COL14A1: variants seen among roughly 807,000 people sequenced by gnomAD.
COL14A1 encodes collagen type XIV alpha 1 chain, also known as collagen alpha-1(XIV) chain.
In COL14A1, 136 loss-of-function variants were observed where a neutral mutation model predicts 230.3. The ratio of observed to expected loss-of-function variants is 0.59; its 90% CI spans 0.51 to 0.68. COL14A1 has a LOEUF of 0.68. COL14A1 is among the 30% of genes least tolerant of loss of function. COL14A1 has a pLI of 0.00. For synonymous variants in COL14A1, 792 were observed against 784.1 expected, an observed-to-expected ratio of 1.01 and a Z score of -0.17; for missense variants, 1,976 against 2,215.8, an observed-to-expected ratio of 0.89 and a Z score of 2.17.
chr8:120,231,528 A>G lies in COL14A1; in HGVS notation c.2259A>G (p.Val753=), dbSNP rs1230238734. Residue 753 remains valine, a synonymous_variant, in exon 19 of 48, where the codon GTA becomes GTG. Coordinates refer to ENST00000297848, the MANE Select transcript of COL14A1 (RefSeq NM_021110.4). ...ATGAAACTACTTCTAGCCTGCGGGT[A>G]AAATGGGACATTTCTGACAGCGATG... ...VGDETTSSLR[V]KWDISDSDVQ... is the part of the protein sequence containing the mutation. The G allele has an allele frequency of 1.2e-6, 2 of 1,614,086 alleles. No individual in the cohort carries two copies. Among genetic ancestry groups the G allele is most frequent in the Non-Finnish European group, 8.5e-7 (1 of 1,179,978 alleles).
chr8:120,308,574 C>T (rs114501947), intron 36 of COL14A1, among the ~76,000 whole-genome samples: 288 of 152,184 alleles, frequency 1.9e-3, no homozygotes, highest in African/African-American at 6.6e-3. Flanking sequence ...AATAAAATTA[C>T]GTTTTATAAT....
At chr8:120,247,320 G>C (rs376235975) in intron 20 of COL14A1, among the ~76,000 whole-genome samples, 1 of 152,128 alleles carries the variant, frequency 6.6e-6, no homozygotes, top group African/African-American at 2.4e-5. Context: ...CTACTTGGGA[G>C]GCTGAGGCAG....
Position 120,216,545 on chromosome 8 carries a change from T to C in COL14A1, c.1737+55T>C, listed in dbSNP as rs112022680. The C allele has an allele frequency of 6.0e-3, 9,156 of 1,538,646 alleles. 272 individuals carry two copies. In the African/African-American group the frequency reaches 0.081, roughly 14 times the overall value. ...TAGGTAGTGGCGTGCTAGTTATTTA[T>C]GGCTACATAACCAATCATCTCAAAG... On this transcript the variant is annotated intron_variant, in intron 14 of 47. Transcript: ENST00000297848.
Position 120,147,822 on chromosome 8 carries a change from A to G in COL14A1, c.-21A>G. ...TGTTTCTAGGTGGCTGCTACACCCCATGTAAAAAGCGGAAAATAAAATGAA... is the reference window on the plus strand; with the variant it reads ...TGTTTCTAGGTGGCTGCTACACCCCGTGTAAAAAGCGGAAAATAAAATGAA... On this transcript the variant is annotated 5_prime_UTR_variant, in exon 2 of 48. An upstream start codon of the reference 5' UTR is lost. Transcript: ENST00000297848. 7.5e-6 allele frequency: 12 copies of G among 1,601,276 alleles called. No individual in the cohort carries two copies. The highest frequency in any genetic ancestry group is 1.1e-5 in the South Asian group (1 of 89,752).
At chr8:120,249,166 C>A (rs187815599) in intron 21 of COL14A1, among the ~76,000 whole-genome samples, 1 of 151,388 alleles carries the variant, frequency 6.6e-6, no homozygotes, top group Non-Finnish European at 1.5e-5. Flanking sequence ...GATCCACCCG[C>A]CTCGGCCTCC....
intron 36 of COL14A1, among the ~76,000 whole-genome samples, chr8:120,307,951 G>A (rs1820903145): frequency 6.6e-6 from 1 of 152,168 alleles, no homozygotes; most frequent in African/African-American, 2.4e-5. Flanking sequence ...GGATATGTAA[G>A]GATGTTAATT....
At chr8:120,214,843 A>G (rs923517679) in intron 13 of COL14A1, among the ~76,000 whole-genome samples, 4 of 152,190 alleles carry the variant, frequency 2.6e-5, no homozygotes, top group African/African-American at 9.6e-5. Context: ...TAAGATGATC[A>G]TAGAAAGCTT....
At chr8:120,337,986 A>G (rs1001487194) in intron 42 of COL14A1, among the ~76,000 whole-genome samples, 1 of 152,218 alleles carries the variant, frequency 6.6e-6, no homozygotes, top group Non-Finnish European at 1.5e-5. Flanking sequence ...TTCAAGCCCA[A>G]TTAAACACAT....
intron 1 of COL14A1, among the ~76,000 whole-genome samples, chr8:120,136,312 C>T (rs184243763): frequency 6.6e-6 from 1 of 151,854 alleles, no homozygotes; most frequent in East Asian, 1.9e-4. Context: ...CTTTAAAATC[C>T]TGAATGTGTA....
chr8:120,194,022 C>A (rs1208610713), intron 5 of COL14A1, among the ~76,000 whole-genome samples: 1 of 152,202 alleles, frequency 6.6e-6, no homozygotes, highest in Admixed American at 6.5e-5. Flanking sequence ...AATGCCTCGC[C>A]CTGCTTCGGC....
chr8:120,298,597 TTATATATATATATATATATATATA>T (rs59846403), intron 35 of COL14A1, among the ~76,000 whole-genome samples: 1,146 of 58,002 alleles, frequency 0.02, 83 homozygotes, highest in African/African-American at 0.071. Context: ...CCCATATATT[TTATATATATATATATATATATATA>T]TATATATATA....
At chr8:120,218,982 T>C (rs1466126716) in intron 14 of COL14A1, among the ~76,000 whole-genome samples, 1 of 151,764 alleles carries the variant, frequency 6.6e-6, no homozygotes, top group Non-Finnish European at 1.5e-5. Context: ...CCTCCTTTGG[T>C]AATAATTTTT....
At chr8:120,129,689 G>C (rs1244676456) in intron 1 of COL14A1, among the ~76,000 whole-genome samples, 1 of 152,176 alleles carries the variant, frequency 6.6e-6, no homozygotes, top group Non-Finnish European at 1.5e-5. Flanking sequence ...AAACAGTTCT[G>C]TTTTATCTGG....
chr8:120,173,648 C>CCCTA (rs778965968), intron 5 of COL14A1, among the ~76,000 whole-genome samples: 1 of 146,252 alleles, frequency 6.8e-6, no homozygotes, highest in Admixed American at 7.0e-5. Context: ...TATTATCTGT[C>CCCTA]TCTATCTATC....
chr8:120,290,723 C>T (rs1820349240), intron 34 of COL14A1, among the ~76,000 whole-genome samples: 1 of 152,184 alleles, frequency 6.6e-6, no homozygotes, highest in Admixed American at 6.5e-5. Flanking sequence ...GGTTCTAATT[C>T]CACTACCATT....
chr8:120,248,917 C>CTTTTTT lies in COL14A1; in HGVS notation c.2602+1203_2602+1208dup, dbSNP rs71571673. 7.1e-3 allele frequency among the ~76,000 whole-genome samples: 596 copies of CTTTTTT among 84,222 alleles called. 150 individuals are homozygous for CTTTTTT. Among genetic ancestry groups the CTTTTTT allele is most frequent in the African/African-American group, 0.027 (534 of 20,000 alleles). The allele number at this position is 84,222 out of a possible 152,430, so 55.3% of individuals were successfully genotyped here. On this transcript the variant is annotated intron_variant, in intron 21 of 47. Coordinates refer to ENST00000297848, the MANE Select transcript of COL14A1 (RefSeq NM_021110.4). ...AAAAACTCCATTAGTTTCAATCTTTCTTTTTTTTTTTTTTTTTTTTTTTTT... is the reference window on the plus strand; with the variant it reads ...AAAAACTCCATTAGTTTCAATCTTTCTTTTTTTTTTTTTTTTTTTTTTTTTTTTTTT...
At chr8:120,221,939 A>C (rs1182195592) in intron 14 of COL14A1, among the ~76,000 whole-genome samples, 1 of 152,226 alleles carries the variant, frequency 6.6e-6, no homozygotes, top group Non-Finnish European at 1.5e-5. Context: ...AAACATCAGA[A>C]AGCAATATGT....
chr8:120,360,227 G>A (rs1823145338), intron 45 of COL14A1, among the ~76,000 whole-genome samples: 1 of 152,158 alleles, frequency 6.6e-6, no homozygotes, highest in African/African-American at 2.4e-5. Flanking sequence ...TTGCCTTGTA[G>A]CACCCAGAAG....
intron 8 of COL14A1, among the ~76,000 whole-genome samples, chr8:120,203,382 G>C (rs1817320773): frequency 6.6e-6 from 1 of 151,736 alleles, no homozygotes; most frequent in Non-Finnish European, 1.5e-5. Context: ...TTGTTTACCA[G>C]AACACAAGCA....
Sources: allele counts gnomAD v4.1 joint callset (sites outside exome capture counted in the v4.1 genomes callset), GRCh38; gene constraint gnomAD v4.1.1; transcripts MANE v1.5; gene names NCBI Gene and HGNC (gene_info 2026-07-23, HGNC 2026-07-21).